The following CFAP96 variants were observed in gnomAD, a reference collection of about 807,000 sequenced individuals.
CFAP96 encodes the protein cilia-and flagella-associated protein 96.
the CFAP96 span, among the ~76,000 whole-genome samples, chr4:185,443,342 A>ATATATATATATATATATATAT: frequency 1.1e-4 from 3 of 26,730 alleles, no homozygotes; most frequent in Admixed American, 5.2e-4. Context: ...ATATATATAT[A>ATATATATATATATATATATAT]TTTTTTTTTT....
chr4:185,417,196 C>T, the CFAP96 span, among the ~76,000 whole-genome samples: 1 of 152,178 alleles, frequency 6.6e-6, no homozygotes, highest in Non-Finnish European at 1.5e-5. Context: ...GCCAATAGTG[C>T]ATGACCTAAC....
At chr4:185,443,675 A>G in the CFAP96 span, among the ~76,000 whole-genome samples, 1 of 151,744 alleles carries the variant, frequency 6.6e-6, no homozygotes, top group East Asian at 1.9e-4. Context: ...TATTAAATAT[A>G]GGTATAGACT....
chr4:185,421,023 G>C, the CFAP96 span, among the ~76,000 whole-genome samples: 1 of 152,144 alleles, frequency 6.6e-6, no homozygotes, highest in Non-Finnish European at 1.5e-5. Flanking sequence ...AACATTTTAG[G>C]AACAGCTACA....
At chr4:185,421,374 C>T in the CFAP96 span, among the ~76,000 whole-genome samples, 3 of 152,174 alleles carry the variant, frequency 2.0e-5, no homozygotes, top group Non-Finnish European at 4.4e-5. Flanking sequence ...AATGTGATCT[C>T]CAATGTTTGA....
the CFAP96 span, among the ~76,000 whole-genome samples, chr4:185,443,320 G>GTATATATATATA: frequency 1.5e-3 from 83 of 55,970 alleles, 1 homozygote; most frequent in Non-Finnish European, 1.9e-3. Flanking sequence ...TATTTTTTAT[G>GTATATATATATA]TATATATATA....
At chr4:185,436,020 T>C in the CFAP96 span, 1 of 1,489,388 alleles carries the variant, frequency 6.7e-7, no homozygotes, top group Non-Finnish European at 8.9e-7. Flanking sequence ...CTCCTTCTTT[T>C]AAAACATCAA....
the CFAP96 span, chr4:185,444,935 A>C: frequency 3.3e-6 from 5 of 1,534,298 alleles, no homozygotes; most frequent in South Asian, 2.4e-5. Flanking sequence ...TTACAAAATC[A>C]CATTAAGTTG....
At chr4:185,436,383 T>A in the CFAP96 span, 1 of 1,468,530 alleles carries the variant, frequency 6.8e-7, no homozygotes. Context: ...TTTGAATGTT[T>A]CAACCTTTCT....
At chr4:185,432,383 T>C in the CFAP96 span, among the ~76,000 whole-genome samples, 3 of 152,334 alleles carry the variant, frequency 2.0e-5, no homozygotes, top group South Asian at 4.1e-4. Flanking sequence ...TGATTAAATA[T>C]ATTCTCATTA....
the CFAP96 span, among the ~76,000 whole-genome samples, chr4:185,421,385 A>G: frequency 1.3e-5 from 2 of 152,188 alleles, no homozygotes; most frequent in African/African-American, 4.8e-5. Context: ...CAATGTTTGA[A>G]GTGGGGCCTG....
chr4:185,423,706 A>G, the CFAP96 span, among the ~76,000 whole-genome samples: 5 of 152,164 alleles, frequency 3.3e-5, no homozygotes, highest in Non-Finnish European at 7.4e-5. Flanking sequence ...GGATCCATAT[A>G]CTGTTTCAGG....
the CFAP96 span, chr4:185,415,838 C>T: frequency 2.5e-6 from 4 of 1,613,400 alleles, no homozygotes; most frequent in South Asian, 4.4e-5. Context: ...TTGACATTTC[C>T]AGCATAAGAT....
the CFAP96 span, among the ~76,000 whole-genome samples, chr4:185,424,888 G>C: frequency 5.9e-5 from 9 of 152,200 alleles, no homozygotes; most frequent in African/African-American, 2.2e-4. Context: ...ATTCATAAAA[G>C]CACTAGTCTT....
the CFAP96 span, among the ~76,000 whole-genome samples, chr4:185,419,171 G>A: frequency 8.0e-5 from 12 of 150,850 alleles, no homozygotes; most frequent in East Asian, 1.9e-4. Flanking sequence ...TCGCTCTGTC[G>A]CCCAGGCTGG....
chr4:185,431,915 CTTAT>C, the CFAP96 span: 9 of 1,269,012 alleles, frequency 7.1e-6, no homozygotes, highest in Non-Finnish European at 9.8e-6. Flanking sequence ...AAATTGTTAT[CTTAT>C]TTTTCATGTC....
At chr4:185,441,715 G>A in the CFAP96 span, among the ~76,000 whole-genome samples, 1 of 150,916 alleles carries the variant, frequency 6.6e-6, no homozygotes, top group Non-Finnish European at 1.5e-5. Context: ...ATATCCTTTT[G>A]CATTTAAATA....
At chr4:185,411,396 C>T in the CFAP96 span, among the ~76,000 whole-genome samples, 1 of 151,882 alleles carries the variant, frequency 6.6e-6, no homozygotes, top group South Asian at 2.1e-4. Context: ...GAACATTAAC[C>T]TAACTAATTT....
the CFAP96 span, among the ~76,000 whole-genome samples, chr4:185,411,640 A>G: frequency 1.3e-5 from 2 of 152,222 alleles, no homozygotes; most frequent in South Asian, 2.1e-4. Flanking sequence ...TAATATATCT[A>G]TAATTTTCCT....
the CFAP96 span, chr4:185,449,705 A>G: frequency 8.6e-7 from 1 of 1,157,190 alleles, no homozygotes; most frequent in Admixed American, 3.0e-5. Flanking sequence ...TCAAGAGCTA[A>G]TTATTTGAAA....
Sources: allele counts gnomAD v4.1 joint callset (sites outside exome capture counted in the v4.1 genomes callset), GRCh38; gene constraint gnomAD v4.1.1; transcripts MANE v1.5; gene names NCBI Gene and HGNC (gene_info 2026-07-23, HGNC 2026-07-21).